Variants in NPTN observed in about 807,000 individuals in gnomAD.
The protein encoded by NPTN is neuroplastin.
NPTN carries 5 observed loss-of-function variants against 42.7 expected under a neutral mutation model. That is an observed-to-expected ratio of 0.12 (90% confidence interval 0.06 to 0.25). NPTN has a LOEUF of 0.25. Ranked by LOEUF, NPTN falls within the 10% of genes least tolerant of loss-of-function variation. The pLI is 1.00. For synonymous variants in NPTN, 180 were observed against 201.9 expected, an observed-to-expected ratio of 0.89 and a Z score of 0.92; for missense variants, 307 against 525.4, an observed-to-expected ratio of 0.58 and a Z score of 4.06.
At position 73,592,142 on chromosome 15, in the gene NPTN, A is replaced by G; in HGVS notation, c.440-5T>C. On this transcript the variant is annotated splice_polypyrimidine_tract_variant and splice_region_variant and intron_variant, in intron 2 of 8. Coordinates refer to ENST00000345330, the MANE Select transcript of NPTN (RefSeq NM_012428.4). ...CACTGGTGACAATCCTTGGCTCTGT[A>G]ATAAGAGTGCACAATGATAGGGGGC... 2.5e-6 allele frequency: 4 copies of G among 1,611,984 alleles called. No individual in the cohort carries two copies. Among genetic ancestry groups the G allele is most frequent in the Non-Finnish European group, 3.4e-6 (4 of 1,178,758 alleles).
intron 1 of NPTN, among the ~76,000 whole-genome samples, chr15:73,620,168 T>C (rs1430633220): frequency 2.0e-5 from 3 of 152,252 alleles, no homozygotes; most frequent in African/African-American, 7.2e-5. Context: ...TTTCAAAGCA[T>C]GTATTCTCTA....
At chr15:73,615,465 A>G (rs1595960484) in intron 1 of NPTN, among the ~76,000 whole-genome samples, 1 of 152,174 alleles carries the variant, frequency 6.6e-6, no homozygotes, top group Non-Finnish European at 1.5e-5. Flanking sequence ...CCTTGGCAGT[A>G]TACTTCCAGA....
chr15:73,580,412 T>A (rs1368054534), intron 4 of NPTN, among the ~76,000 whole-genome samples: 3 of 98,954 alleles, frequency 3.0e-5, no homozygotes, highest in African/African-American at 4.4e-5. Flanking sequence ...ATATATATAA[T>A]ATATATATAA....
At chr15:73,592,524 T>C (rs1164830539) in intron 2 of NPTN, among the ~76,000 whole-genome samples, 2 of 152,200 alleles carry the variant, frequency 1.3e-5, no homozygotes, top group African/African-American at 4.8e-5. Flanking sequence ...ATCATTTATA[T>C]ACCTATTATA....
At chr15:73,614,833 T>C (rs1157622573) in intron 1 of NPTN, among the ~76,000 whole-genome samples, 2 of 152,206 alleles carry the variant, frequency 1.3e-5, no homozygotes, top group Non-Finnish European at 2.9e-5. Flanking sequence ...ATCAGAGCCA[T>C]CTTTCTTAAT....
At position 73,570,631 on chromosome 15, in the gene NPTN, T is replaced by C. The variant is rs1272851866; in HGVS notation, c.841-208A>G. 6.6e-6 allele frequency among the ~76,000 whole-genome samples: 1 copy of C among 152,202 alleles called. No individual in the cohort carries two copies. Among genetic ancestry groups the C allele is most frequent in the Non-Finnish European group, 1.5e-5 (1 of 68,028 alleles). ...GGCAAGCCTCCCTTACCATCGGTCCTCCAGACTTCCCCGACTTCCACGAAG... is the reference window on the plus strand; with the variant it reads ...GGCAAGCCTCCCTTACCATCGGTCCCCCAGACTTCCCCGACTTCCACGAAG... On this transcript the variant is annotated intron_variant, in intron 5 of 8. Coordinates refer to ENST00000345330, the MANE Select transcript of NPTN (RefSeq NM_012428.4). The surrounding 1 kb of genome is among the most constrained non-coding windows in gnomAD (Gnocchi z 4.0).
In NPTN at chr15:73,565,595, A is replaced by C. The variant is rs1894940218; in HGVS notation, c.1115-2338T>G. 2.0e-5 allele frequency among the ~76,000 whole-genome samples: 3 copies of C among 152,210 alleles called. No individual in the cohort carries two copies. In the South Asian group the frequency reaches 6.2e-4, roughly 31 times the overall value. On this transcript the variant is annotated intron_variant, in intron 6 of 8. Transcript: ENST00000345330. ...TGAGGGGGGAAAAAAAAGAAGTCATAGTAACCGACAAATATCAACATACCC... is the reference window on the plus strand; with the variant it reads ...TGAGGGGGGAAAAAAAAGAAGTCATCGTAACCGACAAATATCAACATACCC...
chr15:73,627,321 G>A (rs1234944236), intron 1 of NPTN, among the ~76,000 whole-genome samples: 1 of 152,202 alleles, frequency 6.6e-6, no homozygotes, highest in East Asian at 1.9e-4. Context: ...AGGAAGGCTA[G>A]TCTTAAAACA....
intron 1 of NPTN, among the ~76,000 whole-genome samples, chr15:73,612,733 C>G (rs1189690590): frequency 6.6e-6 from 1 of 152,152 alleles, no homozygotes; most frequent in Non-Finnish European, 1.5e-5. Context: ...TGCGCCACTG[C>G]ACTCCAGCCT....
intron 1 of NPTN, among the ~76,000 whole-genome samples, chr15:73,616,948 G>T (rs1303431891): frequency 2.6e-5 from 4 of 152,158 alleles, no homozygotes; most frequent in African/African-American, 9.7e-5. Context: ...TCCATTTAAT[G>T]AAGCTTTTCC....
At chr15:73,628,778 CTTTAT>C (rs1370937415) in intron 1 of NPTN, among the ~76,000 whole-genome samples, 2 of 151,850 alleles carry the variant, frequency 1.3e-5, no homozygotes, top group Non-Finnish European at 2.9e-5. Context: ...TTTATTTAAA[CTTTAT>C]TTTAAAGTTA....
Position 73,568,315 on chromosome 15 carries a change from T to G in NPTN, c.1114+1835A>C, listed in dbSNP as rs1595896085. ...GTGGCAGCCAGCCTTGCCTTAAAATTTAAAAATCAGGTTCTGAAGTCCATC... is the reference window on the plus strand; with the variant it reads ...GTGGCAGCCAGCCTTGCCTTAAAATGTAAAAATCAGGTTCTGAAGTCCATC... On this transcript the variant is annotated intron_variant, in intron 6 of 8. Coordinates refer to ENST00000345330, the MANE Select transcript of NPTN (RefSeq NM_012428.4). 3 of 985,454 alleles carry G rather than the reference T, an allele frequency of 3.0e-6. No individual in the cohort carries two copies. The Admixed American group carries it at 1.8e-4, about 60-fold the overall frequency. 61.0% of individuals were successfully genotyped at this position (985,454 alleles called of 1,614,324 possible).
At chr15:73,563,036 TG>T (rs1894777113) in intron 7 of NPTN, among the ~76,000 whole-genome samples, 199 bp downstream of exon 7, 1 of 152,086 alleles carries the variant, frequency 6.6e-6, no homozygotes, top group African/African-American at 2.4e-5. Flanking sequence ...GTATGGCCAC[TG>T]GAAAACAAGA....
At chr15:73,581,975 C>G (rs1382358841) in intron 4 of NPTN, among the ~76,000 whole-genome samples, 2 of 152,148 alleles carry the variant, frequency 1.3e-5, no homozygotes, top group East Asian at 1.9e-4. Context: ...GCTGGGACCA[C>G]AGGCGTGCAC....
At chr15:73,576,545 T>G (rs1197090647) in intron 4 of NPTN, among the ~76,000 whole-genome samples, 2 of 152,152 alleles carry the variant, frequency 1.3e-5, no homozygotes, top group Non-Finnish European at 2.9e-5. Context: ...GCCAGGCTGG[T>G]CTCAAACTAC....
chr15:73,570,331 A>G lies in NPTN; in HGVS notation c.933T>C (p.Pro311=). ...NIVNLQITED[P]GEYECNATNA... ...TGGTGGCATTACATTCATACTCGCC[A>G]GGGTCTTCCGTGATCTGCAGGTTCA... Residue 311 remains proline, a synonymous_variant, in exon 6 of 9, where the codon CCT becomes CCC. Coordinates refer to ENST00000345330, the MANE Select transcript of NPTN (RefSeq NM_012428.4). The surrounding 1 kb of genome is among the most constrained non-coding windows in gnomAD (Gnocchi z 4.0). 1 of 1,614,182 alleles carries G rather than the reference A, an allele frequency of 6.2e-7. No homozygotes were observed. The highest frequency in any genetic ancestry group is 8.5e-7 in the Non-Finnish European group (1 of 1,180,024).
At chr15:73,588,335 A>G (rs951206675) in intron 3 of NPTN, among the ~76,000 whole-genome samples, 8 of 152,212 alleles carry the variant, frequency 5.3e-5, no homozygotes, top group African/African-American at 1.9e-4. Flanking sequence ...AGCTTCTCCA[A>G]AGACCTTGTT....
intron 4 of NPTN, among the ~76,000 whole-genome samples, chr15:73,577,781 G>A (rs374098138): frequency 2.6e-5 from 4 of 152,002 alleles, no homozygotes; most frequent in Admixed American, 2.6e-4. Flanking sequence ...CTGATCCTGT[G>A]ACCCCCACCC....
intron 4 of NPTN, among the ~76,000 whole-genome samples, chr15:73,584,598 GGTGGGGCT>G (rs931916911): frequency 1.3e-5 from 2 of 151,968 alleles, no homozygotes; most frequent in African/African-American, 4.8e-5. Context: ...ATCCCAGGGA[GGTGGGGCT>G]TTGGGCTCCA....
Sources: allele counts gnomAD v4.1 joint callset (sites outside exome capture counted in the v4.1 genomes callset), GRCh38; gene constraint gnomAD v4.1.1; non-coding constraint Gnocchi (gnomAD v3.1); transcripts MANE v1.5; gene names NCBI Gene and HGNC (gene_info 2026-07-23, HGNC 2026-07-21).